Variants in PCDH15 observed in about 807,000 individuals in gnomAD.
The protein encoded by PCDH15 is protocadherin related 15.
Under a neutral mutation model 178.5 loss-of-function variants are expected in PCDH15, and 129 were observed. The observed-to-expected ratio is 0.72, with a 90% CI of 0.63 to 0.84. PCDH15 has a LOEUF of 0.84. Ranked by LOEUF, PCDH15 falls within the 40% of genes least tolerant of loss-of-function variation. The pLI, the probability that PCDH15 is intolerant of heterozygous loss-of-function variation, is 0.00. For missense variants in PCDH15, 2,230 were observed against 2,099.9 expected, an observed-to-expected ratio of 1.06 and a Z score of -1.21; for synonymous variants, 800 against 732.0, an observed-to-expected ratio of 1.09 and a Z score of -1.50.
At chr10:54,251,001 TTTAA>T (rs756517425) in intron 8 of PCDH15, among the ~76,000 whole-genome samples, 1 of 152,200 alleles carries the variant, frequency 6.6e-6, no homozygotes, top group African/African-American at 2.4e-5. Flanking sequence ...ATTTTATTGG[TTTAA>T]TTCTTTTTCT....
intron 2 of PCDH15, among the ~76,000 whole-genome samples, chr10:55,110,021 A>G (rs2252986): frequency 6.6e-6 from 1 of 151,298 alleles, no homozygotes; most frequent in Non-Finnish European, 1.5e-5. Flanking sequence ...GTATATATAT[A>G]TTATTTGTTG....
intron 21 of PCDH15, among the ~76,000 whole-genome samples, chr10:53,994,224 A>G (rs910621399): frequency 3.3e-5 from 5 of 152,224 alleles, no homozygotes; most frequent in Non-Finnish European, 5.9e-5. Context: ...TTTACTGTCT[A>G]TACGAAGACT....
intron 2 of PCDH15, among the ~76,000 whole-genome samples, chr10:55,346,205 C>T (rs957861909): frequency 6.6e-6 from 1 of 151,932 alleles, no homozygotes; most frequent in African/African-American, 2.4e-5. Context: ...GATCAAAGAG[C>T]TAAACAGTTA....
intron 2 of PCDH15, among the ~76,000 whole-genome samples, chr10:55,331,802 A>C (rs577110864): frequency 2.0e-5 from 3 of 152,146 alleles, no homozygotes; most frequent in Non-Finnish European, 4.4e-5. Flanking sequence ...AAGCATTATT[A>C]ACGGGTAACA....
intron 1 of PCDH15, among the ~76,000 whole-genome samples, chr10:55,198,135 G>C (rs1840145210): frequency 6.6e-6 from 1 of 152,090 alleles, no homozygotes; most frequent in Non-Finnish European, 1.5e-5. Flanking sequence ...TGTCTTGCAA[G>C]TAATATGTTC....
At chr10:54,744,165 G>GTTAGGA (rs1566103505) in intron 1 of PCDH15, among the ~76,000 whole-genome samples, 1 of 152,096 alleles carries the variant, frequency 6.6e-6, no homozygotes. Flanking sequence ...CCAACCACCA[G>GTTAGGA]TTAGGAATAA....
rs537700502 is a variant in PCDH15, at chr10:54,103,059, A to G, written c.1918-12996T>C. ...AACAGCATAAATTGGTGGGTAGTGT[A>G]ATGGGATTCTTCCTCAAGGGGACCT... On this transcript the variant is annotated intron_variant, in intron 15 of 37. Transcript: ENST00000644397. Among the ~76,000 whole-genome samples the G allele has an allele frequency of 2.6e-5, 4 of 152,264 alleles. No individual in the cohort carries two copies. The South Asian group carries it at 8.3e-4, about 32-fold the overall frequency.
intron 2 of PCDH15, among the ~76,000 whole-genome samples, chr10:55,582,628 A>ATATATATATATATTTT (rs780312007): frequency 5.8e-5 from 4 of 69,028 alleles, no homozygotes; most frequent in Admixed American, 2.1e-4. Context: ...ATATATATAT[A>ATATATATATATATTTT]TTTTTTTTTT....
intron 33 of PCDH15, 149 bp downstream of exon 33, chr10:53,820,016 C>A: frequency 2.6e-6 from 1 of 389,030 alleles, no homozygotes; most frequent in Non-Finnish European, 4.5e-6. Context: ...GGTACCTACA[C>A]AAATATGTTT....
At chr10:54,814,553 T>C (rs994509207) in intron 3 of PCDH15, among the ~76,000 whole-genome samples, 1 of 152,174 alleles carries the variant, frequency 6.6e-6, no homozygotes, top group African/African-American at 2.4e-5. Context: ...TCCTTGTAGC[T>C]AATAAATAAA....
intron 8 of PCDH15, among the ~76,000 whole-genome samples, chr10:54,285,651 A>T (rs1378584718): frequency 6.6e-6 from 1 of 152,182 alleles, no homozygotes; most frequent in East Asian, 1.9e-4. Context: ...TTTATGAAAA[A>T]CAATATGGAG....
rs1589141516 is a variant in PCDH15 at position 54,383,627 on chromosome 10, T to TGTGTGTGTG, written c.158-4686_158-4685insCACACACAC. On this transcript the variant is annotated intron_variant, in intron 3 of 37. Transcript: ENST00000644397. ...AGCATACCATGCCGTGTATGTGTGT[T>TGTGTGTGTG]TTTGTGTGTGTGTGTGTGTGTGTGT... is the stretch of plus-strand genomic sequence containing the variant. 2.2e-3 allele frequency among the ~76,000 whole-genome samples: 228 copies of TGTGTGTGTG among 104,792 alleles called. 2 individuals are homozygous for TGTGTGTGTG. Among genetic ancestry groups the TGTGTGTGTG allele is most frequent in the Admixed American group, 2.2e-3 (24 of 10,960 alleles). 68.7% of individuals were successfully genotyped at this position (104,792 alleles called of 152,430 possible). A position where few individuals can be genotyped will look rare whatever the true frequency, so the allele number is the denominator to read the frequency against.
At chr10:54,287,556 C>A (rs1364388383) in intron 8 of PCDH15, among the ~76,000 whole-genome samples, 1 of 151,964 alleles carries the variant, frequency 6.6e-6, no homozygotes, top group Non-Finnish European at 1.5e-5. Context: ...GTCAGGTTTC[C>A]AATATATCCT....
At chr10:54,646,077 C>T (rs1045763462) in intron 2 of PCDH15, among the ~76,000 whole-genome samples, 3 of 152,012 alleles carry the variant, frequency 2.0e-5, no homozygotes, top group South Asian at 2.1e-4. Flanking sequence ...CATGTTTTAT[C>T]GCATGTTAAT....
chr10:54,146,515 G>A (rs1019009116), intron 14 of PCDH15, among the ~76,000 whole-genome samples: 3 of 151,716 alleles, frequency 2.0e-5, no homozygotes, highest in Admixed American at 2.0e-4. Context: ...CACGACTAAA[G>A]AATATCCCAA....
intron 2 of PCDH15, among the ~76,000 whole-genome samples, chr10:55,021,292 T>C (rs1216295664): frequency 6.6e-6 from 1 of 152,210 alleles, no homozygotes; most frequent in East Asian, 1.9e-4. Context: ...ACATGGTGTT[T>C]CTCTGATGGG....
chr10:55,580,730 T>C (rs1034220385), intron 2 of PCDH15, among the ~76,000 whole-genome samples: 2 of 152,182 alleles, frequency 1.3e-5, no homozygotes, highest in Non-Finnish European at 2.9e-5. Context: ...AATCTATTTC[T>C]AATCTAATAG....
At chr10:54,663,373 T>C (rs1396993011) in intron 2 of PCDH15, among the ~76,000 whole-genome samples, 1 of 150,712 alleles carries the variant, frequency 6.6e-6, no homozygotes, top group Non-Finnish European at 1.5e-5. Flanking sequence ...TTTTCTTGAA[T>C]AGGAAATTTC....
intron 1 of PCDH15, among the ~76,000 whole-genome samples, chr10:55,207,708 C>T (rs980592757): frequency 6.6e-6 from 1 of 152,166 alleles, no homozygotes; most frequent in East Asian, 1.9e-4. Context: ...ATGGCTTACG[C>T]CTGTAGTCCC....
Sources: allele counts gnomAD v4.1 joint callset (sites outside exome capture counted in the v4.1 genomes callset), GRCh38; gene constraint gnomAD v4.1.1; transcripts MANE v1.5; gene names NCBI Gene and HGNC (gene_info 2026-07-23, HGNC 2026-07-21).